Variants in ZNF550 observed in about 807,000 individuals in gnomAD.
ZNF550 encodes zinc finger protein 550.
In ZNF550, 42 loss-of-function variants were observed where a neutral mutation model predicts 40.2. That is an observed-to-expected ratio of 1.05 (90% confidence interval 0.82 to 1.35). The LOEUF (loss-of-function observed/expected upper bound fraction) is 1.35. ZNF550 is among the 40% of genes most tolerant of loss of function. The pLI is 0.00. For missense variants in ZNF550, 549 were observed against 525.2 expected (o/e 1.05, Z -0.44); for synonymous variants, 223 against 198.6 (o/e 1.12, Z -1.03).
intron 3 of ZNF550, chr19:57,552,352 C>T (rs947676442): frequency 4.2e-6 from 2 of 475,906 alleles, no homozygotes; most frequent in African/African-American, 3.9e-5. Context: ...CTGGGTATGA[C>T]TTCTCCCCTT....
chr19:57,545,064 A>G (rs978878064), intron 4 of ZNF550, among the ~76,000 whole-genome samples: 3 of 152,136 alleles, frequency 2.0e-5, no homozygotes, highest in Non-Finnish European at 4.4e-5. Flanking sequence ...AGAGGTTGCA[A>G]TGAGCCAAGA....
upstream of ZNF550, among the ~76,000 whole-genome samples, chr19:57,560,581 G>A (rs1177691616): frequency 3.3e-5 from 5 of 152,182 alleles, no homozygotes; most frequent in Admixed American, 2.6e-4. Flanking sequence ...GGGAGAGCGG[G>A]TCATGCACAA....
chr19:57,543,864 G>A (rs1408384205), intron 4 of ZNF550: 1 of 673,168 alleles, frequency 1.5e-6, no homozygotes, highest in Non-Finnish European at 1.8e-6. Flanking sequence ...CTTGAACTCG[G>A]GAGGCAGAAG....
At chr19:57,547,511 T>G (rs747141721) in exon 4 of ZNF550, 1 of 1,613,670 alleles carries the variant, frequency 6.2e-7, no homozygotes, top group Non-Finnish European at 8.5e-7. Flanking sequence ...CGAATGAGAG[T>G]TGAGCTCTGG....
chr19:57,557,323 C>T (rs2090131323), intron 1 of ZNF550: 1 of 152,086 alleles, frequency 6.6e-6, no homozygotes, highest in African/African-American at 2.4e-5. Flanking sequence ...GGCAATACTG[C>T]TCTTTACTGC....
At chr19:57,543,636 A>C in intron 4 of ZNF550, 3 of 985,444 alleles carry the variant, frequency 3.0e-6, no homozygotes, top group Non-Finnish European at 3.6e-6. Flanking sequence ...AAACATGAAC[A>C]TGAAAACGTT....
chr19:57,546,562 T>G (rs1568596006), exon 4 of ZNF550: 1 of 995,630 alleles, frequency 1.0e-6, no homozygotes, highest in Non-Finnish European at 1.2e-6. Context: ...TCACAAAGTT[T>G]TCTCACATCA....
intron 2 of ZNF550, chr19:57,553,748 G>A (rs889648353): frequency 4.6e-5 from 7 of 152,136 alleles, no homozygotes; most frequent in South Asian, 2.1e-4. Flanking sequence ...CAAACACCTC[G>A]TGCTTTCAGA....
At chr19:57,542,000 T>C (rs1347726314) in exon 5 of ZNF550, 33 of 151,550 alleles carry the variant, frequency 2.2e-4, no homozygotes. Context: ...TAATCACCAA[T>C]AAAGTACCCC....
At chr19:57,559,685 G>T (rs1184119570) in exon 1 of ZNF550, 2 of 1,502,426 alleles carry the variant, frequency 1.3e-6, no homozygotes, top group African/African-American at 1.4e-5. Context: ...TCCGCCATCC[G>T]ACCGTTGGCA....
intron 4 of ZNF550, among the ~76,000 whole-genome samples, chr19:57,546,051 T>C (rs2090006059): frequency 1.3e-5 from 2 of 152,136 alleles, no homozygotes; most frequent in Non-Finnish European, 2.9e-5. Flanking sequence ...ATCAAAGCCT[T>C]AAACAGTCTT....
chr19:57,547,582 T>C, exon 4 of ZNF550: 1 of 1,614,248 alleles, frequency 6.2e-7, no homozygotes, highest in African/African-American at 1.3e-5. Context: ...AACCCTCTGA[T>C]GTCGAACGAG....
At chr19:57,547,934 G>T in exon 4 of ZNF550, 1 of 1,614,074 alleles carries the variant, frequency 6.2e-7, no homozygotes, top group Non-Finnish European at 8.5e-7. Flanking sequence ...AGAAAGGCCC[G>T]CTCAGATAAG....
At chr19:57,559,533 T>C in intron 1 of ZNF550, 123 bp downstream of exon 1, 3 of 975,084 alleles carry the variant, frequency 3.1e-6, no homozygotes, top group Admixed American at 3.6e-5. Flanking sequence ...GACCCCCTTC[T>C]AGGCCTCTAA....
chr19:57,558,811 C>T (rs1359378008), intron 1 of ZNF550, among the ~76,000 whole-genome samples: 1 of 152,182 alleles, frequency 6.6e-6, no homozygotes, highest in African/African-American at 2.4e-5. Context: ...ATCAGAGTGA[C>T]TGCTAGAGAG....
exon 4 of ZNF550, chr19:57,547,760 AACCTTC>A: frequency 1.2e-6 from 2 of 1,614,048 alleles, no homozygotes; most frequent in Non-Finnish European, 8.5e-7. Context: ...TCTGTCCCCA[AACCTTC>A]ACCTTCAAGG....
chr19:57,560,542 C>T (rs953121609), upstream of ZNF550, among the ~76,000 whole-genome samples: 3 of 152,276 alleles, frequency 2.0e-5, no homozygotes, highest in Middle Eastern at 3.4e-3. Flanking sequence ...GTACTTTTCC[C>T]AAGAGAAGAG....
At chr19:57,547,097 T>G in exon 4 of ZNF550, 1 of 1,613,830 alleles carries the variant, frequency 6.2e-7, no homozygotes, top group Non-Finnish European at 8.5e-7. Flanking sequence ...AGGTACGTGC[T>G]CCGGTGAAAG....
chr19:57,547,469 A>T (rs763983666), exon 4 of ZNF550: 1 of 1,614,056 alleles, frequency 6.2e-7, no homozygotes, highest in Non-Finnish European at 8.5e-7. Context: ...AGGCACTTGT[A>T]TGGTTTCTCC....
Sources: gnomAD v4.1 joint callset for allele counts (sites outside exome capture counted in the v4.1 genomes callset) on GRCh38, gnomAD v4.1.1 for gene constraint, MANE v1.5 for transcripts, NCBI Gene and HGNC (gene_info 2026-07-23, HGNC 2026-07-21) for gene names.